C5: variants seen among roughly 807,000 people sequenced by gnomAD.
The protein encoded by C5 is C3 and PZP-like alpha-2-macroglobulin domain-containing protein 4.
A neutral mutation model predicts 218.8 loss-of-function variants in C5; 140 were observed. That is an observed-to-expected ratio of 0.64 (90% CI 0.56 to 0.74). The LOEUF (loss-of-function observed/expected upper bound fraction) is 0.74, where lower values mean the gene tolerates loss of function less well. C5 is among the 30% of genes least tolerant of loss of function. The pLI, the probability that C5 is intolerant of heterozygous loss-of-function variation, is 0.00. For missense variants in C5, 1,700 were observed against 1,969.6 expected (o/e 0.86, Z 2.59); for synonymous variants, 614 against 682.3 (o/e 0.90, Z 1.56).
At chr9:121,004,993 A>C (rs2047205058) in intron 20 of C5, among the ~76,000 whole-genome samples, 1 of 151,644 alleles carries the variant, frequency 6.6e-6, no homozygotes, top group Non-Finnish European at 1.5e-5. Flanking sequence ...TAAAAAAAAA[A>C]GTGTCAGAGG....
chr9:121,034,465 A>G (rs1203177620), intron 5 of C5, among the ~76,000 whole-genome samples: 1 of 152,206 alleles, frequency 6.6e-6, no homozygotes, highest in East Asian at 1.9e-4. Context: ...CCTATTTTAT[A>G]GCAACCAGAG....
intron 27 of C5, among the ~76,000 whole-genome samples, chr9:120,980,743 C>T (rs1277451652): frequency 6.6e-6 from 1 of 152,012 alleles, no homozygotes; most frequent in African/African-American, 2.4e-5. Flanking sequence ...GGCGCCCCGC[C>T]ACCACGCCCG....
intron 39 of C5, 78 bp downstream of exon 39, chr9:120,957,207 G>T: frequency 1.0e-6 from 1 of 980,812 alleles, no homozygotes; most frequent in Non-Finnish European, 1.6e-6. Flanking sequence ...TATCTTCTGT[G>T]TTTAATATAA....
At position 121,046,251 on chromosome 9, in the gene C5, G is replaced by A; in HGVS notation, c.198C>T (p.Tyr66=). 1.2e-6 allele frequency: 2 copies of A among 1,607,848 alleles called. No homozygotes were observed. Among genetic ancestry groups the A allele is most frequent in the South Asian group, 2.2e-5 (2 of 90,726 alleles). The change falls in exon 2 of 41, where the codon TAC becomes TAT. Residue 66 remains tyrosine (Y), a synonymous_variant. Transcript: ENST00000223642. ...IKSYPDKKFS[Y]SSGHVHLSSE... ...AGGATAAATGAACATGGCCTGAGGAGTAACTAAATTTTTTATCAGGATAAC... is the reference window on the plus strand; with the variant it reads ...AGGATAAATGAACATGGCCTGAGGAATAACTAAATTTTTTATCAGGATAAC...
At chr9:120,970,512 T>G (rs372020705) in intron 31 of C5, among the ~76,000 whole-genome samples, 3 of 152,348 alleles carry the variant, frequency 2.0e-5, no homozygotes, top group South Asian at 4.1e-4. Context: ...CAGTCAAATC[T>G]GGGCACCTCA....
intron 18 of C5, among the ~76,000 whole-genome samples, chr9:121,008,072 T>C (rs894732137): frequency 4.6e-5 from 7 of 152,188 alleles, no homozygotes; most frequent in Admixed American, 4.6e-4. Flanking sequence ...TGTTTATTAA[T>C]GTTTGTTTTA....
the C5 span, among the ~76,000 whole-genome samples, chr9:121,073,589 T>C: frequency 1.4e-5 from 2 of 143,874 alleles, no homozygotes; most frequent in Non-Finnish European, 3.0e-5. Context: ...CGATCTCGGC[T>C]CACTGCAACC....
chr9:121,034,928 A>C, intron 4 of C5, 34 bp from the exon 5 acceptor site: 1 of 1,084,298 alleles, frequency 9.2e-7, no homozygotes, highest in Non-Finnish European at 1.4e-6. Flanking sequence ...CAAAGGCCAG[A>C]AACTACATTT....
Position 120,996,394 on chromosome 9 carries a change from A to G in C5, c.2791-94T>C, listed in dbSNP as rs1228846842. On this transcript the variant is annotated intron_variant, in intron 21 of 40. Coordinates refer to ENST00000223642, the MANE Select transcript of C5 (RefSeq NM_001735.3). Reference sequence around the variant, plus strand: ...TTTTCTGGACCACTTTTCAAACTAAAAAATTATTTTTCTTGGAAAAGGCAA... The same window carrying G: ...TTTTCTGGACCACTTTTCAAACTAAGAAATTATTTTTCTTGGAAAAGGCAA... 3.6e-6 allele frequency: 4 copies of G among 1,117,224 alleles called. No individual in the cohort carries two copies. The East Asian group carries it at 9.4e-5, about 26-fold the overall frequency. 69.2% of individuals were successfully genotyped at this position (1,117,224 alleles called of 1,614,324 possible).
chr9:120,989,064 C>T lies in C5; in HGVS notation c.3212G>A (p.Gly1071Asp), dbSNP rs759636571. The T allele has an allele frequency of 1.1e-5, 17 of 1,613,296 alleles. No individual in the cohort carries two copies. The highest frequency in any genetic ancestry group is 1.3e-5 in the African/African-American group (1 of 74,904). The change falls in exon 25 of 41, where the codon GGT (glycine) becomes GAT (aspartate). Residue 1071 changes from glycine to aspartate, a missense_variant. Physicochemically the swap from Gly to Asp is moderately conservative, Grantham distance 94. Coordinates refer to ENST00000223642, the MANE Select transcript of C5 (RefSeq NM_001735.3). ...NADYSYSVWK[G>D]GSASTWLTAF... ...TACTTACCAAGTGCTAGCACTTCCA[C>T]CCTTCCACACACTGTAAGAGTAGTC... is the stretch of plus-strand genomic sequence containing the variant.
the C5 span, among the ~76,000 whole-genome samples, chr9:121,060,927 C>G: frequency 3.9e-3 from 587 of 152,296 alleles, no homozygotes; most frequent in Middle Eastern, 6.8e-3. Flanking sequence ...GTGGCTCACA[C>G]CTGTAATCCC....
chr9:121,015,959 A>G (rs577940324), intron 15 of C5, among the ~76,000 whole-genome samples: 2 of 152,252 alleles, frequency 1.3e-5, no homozygotes, highest in Non-Finnish European at 2.9e-5. Flanking sequence ...GCAAAATAGC[A>G]TAATGCCACT....
At chr9:120,953,580 A>T in intron 40 of C5, 150 bp downstream of exon 40, 1 of 859,108 alleles carries the variant, frequency 1.2e-6, no homozygotes, top group Non-Finnish European at 1.9e-6. Flanking sequence ...CGATGGTTTT[A>T]AATCATTCTT....
At chr9:121,054,862 A>G (rs1405048360), upstream of C5, among the ~76,000 whole-genome samples, 1 of 151,624 alleles carries the variant, frequency 6.6e-6, no homozygotes, top group Non-Finnish European at 1.5e-5. Context: ...AGTTGAACTG[A>G]GAGTCTGACA....
the C5 span, among the ~76,000 whole-genome samples, chr9:121,067,952 G>A: frequency 1.3e-5 from 2 of 152,064 alleles, no homozygotes; most frequent in Admixed American, 1.3e-4. Context: ...AAATTACTCA[G>A]TTCTTTATAG....
At chr9:121,042,914 C>G (rs2047593265) in intron 3 of C5, 90 bp downstream of exon 3, 1 of 1,022,346 alleles carries the variant, frequency 9.8e-7, no homozygotes, top group Non-Finnish European at 1.5e-6. Flanking sequence ...AAACCGATCT[C>G]CACTCAATTT....
chr9:121,063,080 T>G, the C5 span, among the ~76,000 whole-genome samples: 1 of 151,808 alleles, frequency 6.6e-6, no homozygotes, highest in Non-Finnish European at 1.5e-5. Flanking sequence ...CCTCTCTCTC[T>G]CGTCTCCTTC....
intron 7 of C5, among the ~76,000 whole-genome samples, chr9:121,028,781 T>C (rs957201180): frequency 1.3e-5 from 2 of 152,180 alleles, no homozygotes; most frequent in African/African-American, 2.4e-5. Flanking sequence ...ATGGCACATG[T>C]ATACCTATGT....
At chr9:121,058,810 T>C in the C5 span, among the ~76,000 whole-genome samples, 99 of 152,380 alleles carry the variant, frequency 6.5e-4, no homozygotes, top group African/African-American at 2.4e-3. Context: ...CACATTTTGA[T>C]TCTTATTATA....
Sources: allele counts gnomAD v4.1 joint callset (sites outside exome capture counted in the v4.1 genomes callset), GRCh38; gene constraint gnomAD v4.1.1; transcripts MANE v1.5; gene names NCBI Gene and HGNC (gene_info 2026-07-23, HGNC 2026-07-21).